Variants in ZNF365 observed in about 807,000 individuals in gnomAD.
ZNF365 encodes zinc finger protein 365, also known as protein ZNF365.
Under a neutral mutation model 35.0 loss-of-function variants are expected in ZNF365, and 22 were observed. That is an observed-to-expected ratio of 0.63 (90% CI 0.45 to 0.90). The LOEUF is 0.90. ZNF365 is among the 40% of genes least tolerant of loss of function. The pLI is 0.00. For missense variants in ZNF365, 448 were observed against 500.3 expected, an observed-to-expected ratio of 0.90 and a Z score of 1.00; for synonymous variants, 188 against 196.2, an observed-to-expected ratio of 0.96 and a Z score of 0.35.
intron 3 of ZNF365, among the ~76,000 whole-genome samples, chr10:62,435,001 T>C (rs572213638): frequency 1.3e-4 from 20 of 152,294 alleles, no homozygotes; most frequent in Non-Finnish European, 2.9e-4. Context: ...CCTGAATGCA[T>C]GGAGCTTGAA....
chr10:62,376,197 C>A lies in ZNF365; in HGVS notation c.4C>A (p.Gln2Lys). The change falls in exon 2 of 5, where the codon CAA becomes AAA. Residue 2 changes from glutamine to lysine, a missense_variant. Gln to Lys is a moderately conservative substitution (Grantham distance 53). Around this residue, in one of 3 missense-constraint regions of ZNF365, gnomAD observed 76 missense variants for 96.7 expected, o/e 0.79. Transcript: ENST00000395254. M[Q>K]QKAFEESRYP... Reference sequence around the variant, plus strand: ...CCCTCCCAGGACTTTTAGAGTAATGCAACAGAAGGCTTTTGAGGAAAGCAG... The same window carrying A: ...CCCTCCCAGGACTTTTAGAGTAATGAAACAGAAGGCTTTTGAGGAAAGCAG... 7 of 1,614,004 alleles carry A rather than the reference C, an allele frequency of 4.3e-6. No homozygotes were observed. The highest frequency in any genetic ancestry group is 5.9e-6 in the Non-Finnish European group (7 of 1,179,996).
chr10:62,434,704 C>T (rs901762526), intron 3 of ZNF365, among the ~76,000 whole-genome samples: 4 of 152,154 alleles, frequency 2.6e-5, no homozygotes, highest in African/African-American at 7.2e-5. Context: ...AGGAAGTATA[C>T]TGGAAATCAG....
downstream of ZNF365, among the ~76,000 whole-genome samples, chr10:62,404,025 T>G (rs2132433500): frequency 6.6e-6 from 1 of 152,322 alleles, no homozygotes; most frequent in Admixed American, 6.5e-5. Flanking sequence ...TTGTTCATGT[T>G]CTGGGTCAGA....
At chr10:62,399,026 A>G (rs1839778745) in intron 4 of ZNF365, among the ~76,000 whole-genome samples, 1 of 152,190 alleles carries the variant, frequency 6.6e-6, no homozygotes, top group South Asian at 2.1e-4. Context: ...TTAGAGTATT[A>G]TATAGTATAA....
chr10:62,394,010 A>G (rs1016195395), intron 3 of ZNF365, among the ~76,000 whole-genome samples: 5 of 152,222 alleles, frequency 3.3e-5, no homozygotes, highest in Admixed American at 3.3e-4. Context: ...ACATTATGAC[A>G]CAGTCTGCAG....
rs1435200591 is a variant in ZNF365 at position 62,400,421 on chromosome 10, T to C, written c.*632T>C. 2.0e-6 allele frequency: 2 copies of C among 985,936 alleles called. No individual in the cohort carries two copies. The highest frequency in any genetic ancestry group is 2.4e-6 in the Non-Finnish European group (2 of 830,042). The allele number at this position is 985,936 out of a possible 1,614,324, so 61.1% of individuals were successfully genotyped here. ...TTTCAGTTCGTTTGTTTGATTGAGG[T>C]TTTTTGGTGGCCTAGATGCATGTTT... On this transcript the variant is annotated 3_prime_UTR_variant, in exon 5 of 5. Transcript: ENST00000395254.
intron 4 of ZNF365, among the ~76,000 whole-genome samples, chr10:62,476,119 G>A (rs1274557579): frequency 6.6e-6 from 1 of 151,892 alleles, no homozygotes; most frequent in Non-Finnish European, 1.5e-5. Context: ...GGTGGGGAAG[G>A]GTTTCTATGG....
At chr10:62,464,618 C>A (rs1840902151) in intron 4 of ZNF365, among the ~76,000 whole-genome samples, 2 of 152,222 alleles carry the variant, frequency 1.3e-5, no homozygotes, top group African/African-American at 4.8e-5. Flanking sequence ...TCCATTTTAG[C>A]TTTATTCCTC....
intron 3 of ZNF365, among the ~76,000 whole-genome samples, chr10:62,457,484 G>A (rs970207197): frequency 6.6e-6 from 1 of 152,226 alleles, no homozygotes; most frequent in Non-Finnish European, 1.5e-5. Context: ...TGAGCTAAGA[G>A]TGGAGAAGGA....
chr10:62,455,815 A>C (rs2132476933), intron 3 of ZNF365, among the ~76,000 whole-genome samples: 1 of 152,318 alleles, frequency 6.6e-6, no homozygotes, highest in African/African-American at 2.4e-5. Flanking sequence ...CTGATAAGTG[A>C]ATTGAAGTAC....
downstream of ZNF365, among the ~76,000 whole-genome samples, chr10:62,407,035 C>G (rs117512010): frequency 6.6e-6 from 1 of 152,210 alleles, no homozygotes; most frequent in Non-Finnish European, 1.5e-5. Flanking sequence ...CAGTATGGAA[C>G]CAGGCAGAGC....
chr10:62,471,544 A>C (rs941006851), intron 4 of ZNF365, among the ~76,000 whole-genome samples: 1 of 152,242 alleles, frequency 6.6e-6, no homozygotes, highest in Non-Finnish European at 1.5e-5. Context: ...AGCGAAAGGC[A>C]GTATGCCATA....
chr10:62,376,084 A>T (rs1158130625), intron 1 of ZNF365, 97 bp from the exon 2 acceptor site: 1 of 1,370,374 alleles, frequency 7.3e-7, no homozygotes, highest in Admixed American at 2.2e-5. Flanking sequence ...AAGTCACTTG[A>T]AACCAAAAAG....
chr10:62,383,886 G>A lies in ZNF365; in HGVS notation c.744-4510G>A, dbSNP rs1171396821. Among the ~76,000 whole-genome samples the A allele has an allele frequency of 2.6e-5, 4 of 152,148 alleles. No individual in the cohort carries two copies. The East Asian group carries it at 7.7e-4, about 29-fold the overall frequency. ...GATATAACTGAAGGTTTGGCTCTCT[G>A]GAAAGGGCTTTTTCCCTCATTGCTC... On this transcript the variant is annotated intron_variant, in intron 2 of 4. Transcript: ENST00000395254.
intron 3 of ZNF365, among the ~76,000 whole-genome samples, chr10:62,426,936 C>T (rs1564585137): frequency 6.6e-6 from 1 of 152,110 alleles, no homozygotes; most frequent in Non-Finnish European, 1.5e-5. Flanking sequence ...GTCTTCTCTC[C>T]AGCCAGCAAG....
At position 62,401,484 on chromosome 10, in the gene ZNF365, T is replaced by G; in HGVS notation, c.*1695T>G. On this transcript the variant is annotated 3_prime_UTR_variant, in exon 5 of 5. Coordinates refer to ENST00000395254, the MANE Select transcript of ZNF365 (RefSeq NM_014951.3). ...TGAATCTTCACTTTGACTTTCAGTT[T>G]ATGGGGGGGGTAGATCATTCATGTG... 1 of 921,858 alleles carries G rather than the reference T, an allele frequency of 1.1e-6. No homozygotes were observed. Among genetic ancestry groups the G allele is most frequent in the Non-Finnish European group, 1.3e-6 (1 of 797,500 alleles). The allele number at this position is 921,858 out of a possible 1,614,324, so 57.1% of individuals were successfully genotyped here.
intron 3 of ZNF365, among the ~76,000 whole-genome samples, chr10:62,417,105 G>GTTCTT (rs1434199968): frequency 6.6e-6 from 1 of 152,014 alleles, no homozygotes; most frequent in African/African-American, 2.4e-5. Context: ...TACTTACTTT[G>GTTCTT]TTTACCAATG....
Position 62,425,025 on chromosome 10 carries a change from C to T in ZNF365, c.925-34716C>T, listed in dbSNP as rs1356968008. On this transcript the variant is annotated intron_variant, in intron 3 of 4. Coordinates refer to the ZNF365 transcript ENST00000395255. Reference sequence around the variant, plus strand: ...TCCACACAACCTCCCTGCTCTGTCACCTTTAGAAACACATCCTTTTGGGTC... The same window carrying T: ...TCCACACAACCTCCCTGCTCTGTCATCTTTAGAAACACATCCTTTTGGGTC... Among the ~76,000 whole-genome samples the T allele has an allele frequency of 2.6e-5, 4 of 152,130 alleles. No homozygotes were observed. In the South Asian group the frequency reaches 6.2e-4, roughly 24 times the overall value.
intron 2 of ZNF365, among the ~76,000 whole-genome samples, chr10:62,379,409 A>C (rs889411088): frequency 6.6e-6 from 1 of 152,218 alleles, no homozygotes; most frequent in Non-Finnish European, 1.5e-5. Context: ...TTTTAAATGA[A>C]AGCGCAGTGA....
Sources: allele counts gnomAD v4.1 joint callset (sites outside exome capture counted in the v4.1 genomes callset), GRCh38; gene constraint gnomAD v4.1.1; regional missense constraint gnomAD v4.1.1; transcripts MANE v1.5; gene names NCBI Gene and HGNC (gene_info 2026-07-23, HGNC 2026-07-21).